Variants in RDH13 observed in about 807,000 individuals in gnomAD.
RDH13 encodes the protein retinol dehydrogenase 13.
In RDH13, 35 loss-of-function variants were observed where a neutral mutation model predicts 28.3. That is an observed-to-expected ratio of 1.24 (90% CI 0.95 to 1.64). The LOEUF (loss-of-function observed/expected upper bound fraction) is 1.64. RDH13 is among the 40% of genes most tolerant of loss of function. The pLI is 0.00. For synonymous variants in RDH13, 229 were observed against 198.5 expected (o/e 1.15, Z -1.29); for missense variants, 514 against 446.3 (o/e 1.15, Z -1.37).
chr19:55,048,385 CAGT>C lies in RDH13; in HGVS notation c.599_601del (p.Tyr200del). On this transcript the variant is annotated inframe_deletion, in exon 5 of 7. Coordinates refer to ENST00000415061, the MANE Select transcript of RDH13 (RefSeq NM_001145971.2). ...GAGGACGATGGCGAGCTTGCTCTGG[CAGT>C]AGGCGGCTTTGGTGTTATACTTCCT... is the stretch of plus-strand genomic sequence containing the variant. 1 of 1,614,150 alleles carries C rather than the reference CAGT, an allele frequency of 6.2e-7. No individual in the cohort carries two copies. Among genetic ancestry groups the C allele is most frequent in the Non-Finnish European group, 8.5e-7 (1 of 1,180,040 alleles).
chr19:55,056,853 C>T lies in RDH13; in HGVS notation c.185-45G>A, dbSNP rs770125544. 1.0e-4 allele frequency: 153 copies of T among 1,515,830 alleles called. 1 individual carries two copies. The highest frequency in any genetic ancestry group is 3.7e-4 in the Admixed American group (20 of 53,518). The allele number at this position is 1,515,830 out of a possible 1,614,324, so 93.9% of individuals were successfully genotyped here. A position where few individuals can be genotyped will look rare whatever the true frequency, so the allele number is the denominator to read the frequency against. Reference sequence around the variant, plus strand: ...AAAGATTTAAATTAATAATCCACTCCTGGGTACTGACCCCAGAGACATGAA... The same window carrying T: ...AAAGATTTAAATTAATAATCCACTCTTGGGTACTGACCCCAGAGACATGAA... On this transcript the variant is annotated intron_variant, in intron 2 of 6. Coordinates refer to ENST00000415061, the MANE Select transcript of RDH13 (RefSeq NM_001145971.2).
At chr19:55,048,028 C>G in intron 5 of RDH13, 1 of 1,433,842 alleles carries the variant, frequency 7.0e-7, no homozygotes, top group African/African-American at 1.4e-5. Context: ...GTCAAAACTG[C>G]CCCTGGTTGA....
chr19:55,058,319 C>T lies in RDH13; in HGVS notation c.184+838G>A, dbSNP rs148958305. Among the ~76,000 whole-genome samples, 1,077 of 150,878 alleles carry T rather than the reference C, an allele frequency of 7.1e-3. 23 individuals carry two copies. The highest frequency in any genetic ancestry group is 0.025 in the African/African-American group (1,024 of 40,994). ...AGGAGAATTGCTTGAACCCGGGAGGCGAAGGTTGCAGTGAGCCAAGATCAT... is the reference window on the plus strand; with the variant it reads ...AGGAGAATTGCTTGAACCCGGGAGGTGAAGGTTGCAGTGAGCCAAGATCAT... On this transcript the variant is annotated intron_variant, in intron 2 of 6. Transcript: ENST00000415061.
chr19:55,052,806 G>C (rs1053903695), intron 3 of RDH13, among the ~76,000 whole-genome samples: 3 of 151,734 alleles, frequency 2.0e-5, no homozygotes, highest in Non-Finnish European at 4.4e-5. Flanking sequence ...GGTTACAGGT[G>C]CCCGCCACCA....
chr19:55,046,245 C>CAAAAAAAA (rs113661219), intron 6 of RDH13, among the ~76,000 whole-genome samples: 1 of 139,226 alleles, frequency 7.2e-6, no homozygotes, highest in Non-Finnish European at 1.5e-5. Flanking sequence ...AACTCCGTCT[C>CAAAAAAAA]AAAAAAAAAA....
At chr19:55,048,808 C>G in intron 3 of RDH13, 45 bp from the exon 4 acceptor site, 2 of 1,520,328 alleles carry the variant, frequency 1.3e-6, no homozygotes, top group South Asian at 2.3e-5. Flanking sequence ...TGAGGACAGA[C>G]CCCAGCCTGA....
upstream of RDH13, among the ~76,000 whole-genome samples, chr19:55,065,740 G>T (rs1474019212): frequency 2.0e-5 from 3 of 151,826 alleles, no homozygotes; most frequent in Non-Finnish European, 4.4e-5. Context: ...GCTCCTGTTT[G>T]AGAGTCTCTC....
intron 5 of RDH13, 119 bp downstream of exon 5, chr19:55,048,210 T>TAC (rs772715979): frequency 6.5e-7 from 1 of 1,548,628 alleles, no homozygotes; most frequent in Non-Finnish European, 8.7e-7. Context: ...CCACATGCTC[T>TAC]ACTTTTGCTG....
At chr19:55,062,726 G>T (rs562882415) in intron 1 of RDH13, among the ~76,000 whole-genome samples, 17 of 152,142 alleles carry the variant, frequency 1.1e-4, no homozygotes, top group African/African-American at 4.1e-4. Flanking sequence ...AAAATAAAGA[G>T]TTTAAAAGTC....
Position 55,044,977 on chromosome 19 carries a change from G to C in RDH13, c.*97C>G, listed in dbSNP as rs536444860. On this transcript the variant is annotated 3_prime_UTR_variant, in exon 7 of 7. Transcript: ENST00000415061. ...CGGGCATGGCGGCCGCCAGTCCTGG[G>C]TCTCCCGGCTCAGGTAGTGCCAGGA... The C allele has an allele frequency of 2.1e-6, 2 of 934,418 alleles. No homozygotes were observed. The highest frequency in any genetic ancestry group is 5.1e-5 in the Admixed American group (2 of 39,098). The allele number at this position is 934,418 out of a possible 1,614,324, so 57.9% of individuals were successfully genotyped here.
chr19:55,043,824 C>T (rs1188140361), downstream of RDH13, among the ~76,000 whole-genome samples: 2 of 152,186 alleles, frequency 1.3e-5, no homozygotes, highest in African/African-American at 2.4e-5. Flanking sequence ...GATCTCTATC[C>T]AGTTTCTAAC....
chr19:55,062,636 C>CAT (rs1490498085), intron 1 of RDH13, among the ~76,000 whole-genome samples: 119 of 151,686 alleles, frequency 7.8e-4, no homozygotes, highest in Non-Finnish European at 9.6e-4. Flanking sequence ...GCCAAGATCG[C>CAT]GCCACTGCAC....
upstream of RDH13, among the ~76,000 whole-genome samples, chr19:55,065,743 A>G (rs181507081): frequency 7.9e-5 from 12 of 151,840 alleles, no homozygotes; most frequent in Admixed American, 2.7e-4. Context: ...CCTGTTTGAG[A>G]GTCTCTCTCC....
intron 6 of RDH13, chr19:55,046,553 G>A (rs1008870163): frequency 1.3e-5 from 2 of 151,452 alleles, no homozygotes; most frequent in African/African-American, 4.8e-5. Flanking sequence ...GTGGCTATTA[G>A]CCTCGCCAAG....
chr19:55,061,561 C>T (rs1205658250), intron 1 of RDH13, among the ~76,000 whole-genome samples: 2 of 149,314 alleles, frequency 1.3e-5, no homozygotes, highest in Non-Finnish European at 3.0e-5. Context: ...GAGGCCAAGA[C>T]AGGAGGATCA....
Position 55,063,045 on chromosome 19 carries a change from A to ACAGGAGT in RDH13, c.-14_-13insACTCCTG. 1 of 1,241,890 alleles carries ACAGGAGT rather than the reference A, an allele frequency of 8.1e-7. No individual in the cohort carries two copies. The highest frequency in any genetic ancestry group is 1.0e-6 in the Non-Finnish European group (1 of 993,204). The allele number at this position is 1,241,890 out of a possible 1,614,324, so 76.9% of individuals were successfully genotyped here. On this transcript the variant is annotated 5_prime_UTR_variant, in exon 1 of 7. Transcript: ENST00000415061. Reference sequence around the variant, plus strand: ...GGTAGCGGCTCATGCCGGGCCGGGGACAGGCGTCAGGCGTCAGGGGTCGGC... The same window carrying ACAGGAGT: ...GGTAGCGGCTCATGCCGGGCCGGGGACAGGAGTCAGGCGTCAGGCGTCAGGGGTCGGC...
chr19:55,066,181 C>A (rs1039495458), upstream of RDH13, among the ~76,000 whole-genome samples: 7 of 152,162 alleles, frequency 4.6e-5, no homozygotes, highest in Admixed American at 4.6e-4. Context: ...CCAGACACAC[C>A]CAAGGGAGTT....
Position 55,048,385 on chromosome 19 carries a change from CAGTAGGCGGCTTTGGT to C in RDH13, c.586_601del (p.Thr196AlafsTer14), listed in dbSNP as rs1338602871. 3 of 1,614,150 alleles carry C rather than the reference CAGTAGGCGGCTTTGGT, an allele frequency of 1.9e-6. No individual in the cohort carries two copies. Among genetic ancestry groups the C allele is most frequent in the Non-Finnish European group, 2.5e-6 (3 of 1,180,040 alleles). On this transcript the variant is annotated frameshift_variant, in exon 5 of 7. Coordinates refer to ENST00000415061, the MANE Select transcript of RDH13 (RefSeq NM_001145971.2). LOFTEE classifies it high-confidence loss of function. ...GAGGACGATGGCGAGCTTGCTCTGGCAGTAGGCGGCTTTGGTGTTATACTTCCTCGTCTGCCAGTTC... is the reference window on the plus strand; with the variant it reads ...GAGGACGATGGCGAGCTTGCTCTGGCGTTATACTTCCTCGTCTGCCAGTTC...
chr19:55,062,441 G>C (rs1339151551), intron 1 of RDH13, among the ~76,000 whole-genome samples: 1 of 152,160 alleles, frequency 6.6e-6, no homozygotes, highest in Non-Finnish European at 1.5e-5. Flanking sequence ...CCAGCACTTT[G>C]GAGGCCGAGG....
Sources: allele counts gnomAD v4.1 joint callset (sites outside exome capture counted in the v4.1 genomes callset), GRCh38; gene constraint gnomAD v4.1.1; transcripts MANE v1.5; gene names NCBI Gene and HGNC (gene_info 2026-07-23, HGNC 2026-07-21).